The following ZZZ3 variants were observed in gnomAD, a reference collection of about 807,000 sequenced individuals.
ZZZ3 encodes ZZ-type zinc finger-containing protein 3.
Under a neutral mutation model 95.2 loss-of-function variants are expected in ZZZ3, and 22 were observed. That is an observed-to-expected ratio of 0.23 (90% confidence interval 0.17 to 0.33). The LOEUF is 0.33. Ranked by LOEUF, ZZZ3 falls within the 10% of genes least tolerant of loss-of-function variation. The pLI is 1.00. For synonymous variants in ZZZ3, 335 were observed against 358.9 expected, an observed-to-expected ratio of 0.93 and a Z score of 0.75; for missense variants, 885 against 1,066.5, an observed-to-expected ratio of 0.83 and a Z score of 2.37.
chr1:77,668,279 TTC>T (rs1671431079), intron 1 of ZZZ3, among the ~76,000 whole-genome samples: 1 of 152,316 alleles, frequency 6.6e-6, no homozygotes, highest in African/African-American at 2.4e-5. Flanking sequence ...AAACCTGCTT[TTC>T]TGGGAATTGC....
intron 5 of ZZZ3, among the ~76,000 whole-genome samples, chr1:77,597,405 T>TCC (rs1162840159): frequency 6.6e-6 from 1 of 152,032 alleles, no homozygotes; most frequent in African/African-American, 2.4e-5. Flanking sequence ...GGAACGCAGC[T>TCC]CCCCATTCCT....
chr1:77,584,939 A>G, intron 5 of ZZZ3: 1 of 207,236 alleles, frequency 4.8e-6, no homozygotes. Context: ...ATCTTCCAAC[A>G]ATCAAAGTCG....
In ZZZ3 at chr1:77,631,415, AG is replaced by A. The variant is rs558257710; in HGVS notation, c.1505+434del. On this transcript the variant is annotated intron_variant, in intron 5 of 14. Transcript: ENST00000370801. ...AAATTTTAATTGGGAATTAAATGTAAGTAAGATAAAAGTAGATGTCAAGCCT... is the reference window on the plus strand; with the variant it reads ...AAATTTTAATTGGGAATTAAATGTAATAAGATAAAAGTAGATGTCAAGCCT... Among the ~76,000 whole-genome samples the A allele has an allele frequency of 1.8e-3, 267 of 152,338 alleles. 1 individual carries two copies. Among genetic ancestry groups the A allele is most frequent in the Non-Finnish European group, 2.7e-3 (187 of 68,018 alleles).
At chr1:77,567,691 G>C (rs1003631175) in intron 13 of ZZZ3, among the ~76,000 whole-genome samples, 4 of 152,080 alleles carry the variant, frequency 2.6e-5, no homozygotes, top group Non-Finnish European at 5.9e-5. Context: ...AGTCTGTCTT[G>C]TTTACTGCTG....
chr1:77,568,056 C>G (rs532331210), intron 13 of ZZZ3, among the ~76,000 whole-genome samples: 1 of 152,066 alleles, frequency 6.6e-6, no homozygotes, highest in Non-Finnish European at 1.5e-5. Flanking sequence ...TCTCTTATCA[C>G]CCTTTTAAAA....
intron 5 of ZZZ3, among the ~76,000 whole-genome samples, chr1:77,611,258 C>T (rs1233943473): frequency 1.0e-5 from 1 of 95,870 alleles, no homozygotes; most frequent in African/African-American, 3.3e-5. Flanking sequence ...AAACAACCCA[C>T]ATGCAAAAAA....
chr1:77,566,145 G>T lies in ZZZ3; in HGVS notation c.2503C>A (p.Arg835=). Residue 835 remains arginine (R), a synonymous_variant, in exon 14 of 15, where the codon CGG becomes AGG. Coordinates refer to ENST00000370801, the MANE Select transcript of ZZZ3 (RefSeq NM_015534.6). ...NCGIEPIQGV[R]WHCQDCPPEM... ...GGAGGACAATCCTGGCAATGCCACC[G>T]AACACCCTGGATGGGTTCTATGCCA... The T allele has an allele frequency of 1.2e-6, 2 of 1,612,962 alleles. No homozygotes were observed. Among genetic ancestry groups the T allele is most frequent in the South Asian group, 1.1e-5 (1 of 90,864 alleles).
intron 6 of ZZZ3, among the ~76,000 whole-genome samples, chr1:77,583,445 G>C (rs1662740050): frequency 6.6e-6 from 1 of 152,036 alleles, no homozygotes; most frequent in African/African-American, 2.4e-5. Flanking sequence ...TTTTAACACA[G>C]AAGGTACACC....
In ZZZ3 at chr1:77,562,818, G is replaced by C. The variant is rs1315434827; in HGVS notation, c.*2822C>G. ...TGCACACCTCCACTCCTAACACCTA[G>C]TGTTGCCTGACACAAGGGGAAATTC... On this transcript the variant is annotated 3_prime_UTR_variant, in exon 15 of 15. Coordinates refer to ENST00000370801, the MANE Select transcript of ZZZ3 (RefSeq NM_015534.6). 1 of 152,486 alleles carries C rather than the reference G, an allele frequency of 6.6e-6. No homozygotes were observed. The highest frequency in any genetic ancestry group is 1.5e-5 in the Non-Finnish European group (1 of 68,054). The allele number at this position is 152,486 out of a possible 1,614,324, so 9.4% of individuals were successfully genotyped here.
intron 12 of ZZZ3, among the ~76,000 whole-genome samples, chr1:77,573,366 C>A (rs1661607356): frequency 1.3e-5 from 2 of 152,066 alleles, no homozygotes; most frequent in Admixed American, 6.5e-5. Flanking sequence ...AGGTGATCTG[C>A]CCACCTCAGC....
At chr1:77,566,577 CA>C (rs1660852725) in intron 13 of ZZZ3, among the ~76,000 whole-genome samples, 1 of 152,112 alleles carries the variant, frequency 6.6e-6, no homozygotes, top group African/African-American at 2.4e-5. Context: ...TAAAACTATC[CA>C]AATACTGGTT....
chr1:77,643,491 A>C (rs889084868), intron 1 of ZZZ3, among the ~76,000 whole-genome samples: 1 of 152,258 alleles, frequency 6.6e-6, no homozygotes, highest in African/African-American at 2.4e-5. Flanking sequence ...AATAGAAAAC[A>C]AACTATCCAA....
intron 5 of ZZZ3, among the ~76,000 whole-genome samples, chr1:77,602,203 C>A (rs1664798883): frequency 6.6e-6 from 1 of 152,126 alleles, no homozygotes; most frequent in South Asian, 2.1e-4. Context: ...GGAAGAAAAA[C>A]TGTTGGCAAG....
At chr1:77,607,133 AATTGACTCACAATTC>A (rs1285086936) in intron 5 of ZZZ3, among the ~76,000 whole-genome samples, 9 of 151,692 alleles carry the variant, frequency 5.9e-5, no homozygotes, top group African/African-American at 2.2e-4. Flanking sequence ...AAAGCGGTTT[AATTGACTCACAATTC>A]CACATGGCTG....
chr1:77,644,589 G>A (rs571508073), intron 1 of ZZZ3, among the ~76,000 whole-genome samples: 30 of 152,310 alleles, frequency 2.0e-4, no homozygotes, highest in Middle Eastern at 6.8e-3. Context: ...AGACAGAAAT[G>A]TGATTCTCTG....
rs572854975 is a variant in ZZZ3 at position 77,659,113 on chromosome 1, G to A, written c.-402-17458C>T. Among the ~76,000 whole-genome samples, 256 of 152,146 alleles carry A rather than the reference G, an allele frequency of 1.7e-3. 1 individual carries two copies. Among genetic ancestry groups the A allele is most frequent in the Admixed American group, 2.8e-3 (42 of 15,270 alleles). On this transcript the variant is annotated intron_variant, in intron 1 of 14. Coordinates refer to ENST00000370801, the MANE Select transcript of ZZZ3 (RefSeq NM_015534.6). ...CATGCCTGTAATCCCAGCTACTAGG[G>A]AGGCTGAGTCAGGAGAACTGCTTGA...
chr1:77,565,708 CTCTG>C lies in ZZZ3; in HGVS notation c.2640_2643del (p.Asp880GlufsTer32). 2 of 1,613,764 alleles carry C rather than the reference CTCTG, an allele frequency of 1.2e-6. No individual in the cohort carries two copies. The highest frequency in any genetic ancestry group is 1.7e-6 in the Non-Finnish European group (2 of 1,179,718). Reference sequence around the variant, plus strand: ...CTGGTGCCCTGAGACACACAGTAGTCTCTGTCTAAGAATGTCTCTGACCTATAAA... The same window carrying C: ...CTGGTGCCCTGAGACACACAGTAGTCTCTAAGAATGTCTCTGACCTATAAA... On this transcript the variant is annotated frameshift_variant, in exon 15 of 15. Transcript: ENST00000370801. LOFTEE classifies it high-confidence loss of function.
chr1:77,633,252 G>A lies in ZZZ3; in HGVS notation c.103C>T (p.His35Tyr), dbSNP rs1203795007. 6.2e-7 allele frequency: 1 copy of A among 1,614,072 alleles called. No individual in the cohort carries two copies. Among genetic ancestry groups the A allele is most frequent in the Admixed American group, 1.7e-5 (1 of 60,012 alleles). The change falls in exon 5 of 15, where the codon CAT becomes TAT. Residue 35 changes from histidine to tyrosine, a missense_variant. Coordinates refer to ENST00000370801, the MANE Select transcript of ZZZ3 (RefSeq NM_015534.6). ...GRTLRNRSIA[H>Y]PEEISSNSQV... ...GAATTAGAAGAGATTTCTTCAGGATGCGCAATGCTACGATTCCTTAAAGTT... is the reference window on the plus strand; with the variant it reads ...GAATTAGAAGAGATTTCTTCAGGATACGCAATGCTACGATTCCTTAAAGTT...
chr1:77,594,599 T>G (rs1356747935), intron 5 of ZZZ3, among the ~76,000 whole-genome samples: 1 of 152,086 alleles, frequency 6.6e-6, no homozygotes, highest in Non-Finnish European at 1.5e-5. Flanking sequence ...CTAGACTATA[T>G]TTAGAGCACT....
Sources: allele counts gnomAD v4.1 joint callset (sites outside exome capture counted in the v4.1 genomes callset), GRCh38; gene constraint gnomAD v4.1.1; transcripts MANE v1.5; gene names NCBI Gene and HGNC (gene_info 2026-07-23, HGNC 2026-07-21).